MEMO1: variants seen among roughly 807,000 people sequenced by gnomAD.
MEMO1 encodes protein MEMO1.
Under a neutral mutation model 45.2 loss-of-function variants are expected in MEMO1, and 6 were observed. The ratio of observed to expected loss-of-function variants is 0.13; its 90% confidence interval spans 0.07 to 0.26. The LOEUF is 0.26. Among genes scored for constraint, MEMO1 ranks in the 10% least tolerant of loss-of-function variants. MEMO1 has a pLI of 1.00. For missense variants in MEMO1, 184 were observed against 370.5 expected, an observed-to-expected ratio of 0.50 and a Z score of 4.13; for synonymous variants, 78 against 124.3, an observed-to-expected ratio of 0.63 and a Z score of 2.48.
At chr2:31,949,235 T>C (rs755155652) in intron 2 of MEMO1, among the ~76,000 whole-genome samples, 3 of 152,266 alleles carry the variant, frequency 2.0e-5, no homozygotes, top group East Asian at 3.9e-4. Flanking sequence ...TGAGCTACCA[T>C]AGGATCCAGC....
At chr2:31,909,823 C>T (rs1394361553) in intron 6 of MEMO1, among the ~76,000 whole-genome samples, 1 of 151,982 alleles carries the variant, frequency 6.6e-6, no homozygotes, top group East Asian at 1.9e-4. Flanking sequence ...GAAAGAAATA[C>T]AGTAATTACT....
chr2:31,881,555 A>C (rs1210248080), intron 8 of MEMO1, among the ~76,000 whole-genome samples: 1 of 151,842 alleles, frequency 6.6e-6, no homozygotes. Flanking sequence ...CAAATGGCCC[A>C]AAAACAAGAC....
At chr2:31,885,154 C>T (rs923275667) in intron 7 of MEMO1, among the ~76,000 whole-genome samples, 1 of 152,080 alleles carries the variant, frequency 6.6e-6, no homozygotes, top group Non-Finnish European at 1.5e-5. Flanking sequence ...GAGTCTCACC[C>T]TGTTGCCCAG....
At chr2:31,906,283 C>CTT (rs1169469932) in intron 6 of MEMO1, among the ~76,000 whole-genome samples, 1 of 150,746 alleles carries the variant, frequency 6.6e-6, no homozygotes, top group African/African-American at 2.4e-5. Flanking sequence ...GAGTGCTATT[C>CTT]TTTTGTTTTT....
chr2:31,923,348 AGAC>A (rs1215831181), intron 4 of MEMO1, among the ~76,000 whole-genome samples: 2 of 152,110 alleles, frequency 1.3e-5, no homozygotes. Flanking sequence ...AGTTCCTTAT[AGAC>A]GACAGAATCT....
chr2:31,933,345 AAAAATTTATATATATATATATAT>A (rs1371073056), intron 3 of MEMO1, among the ~76,000 whole-genome samples: 1 of 34,092 alleles, frequency 2.9e-5, no homozygotes, highest in Non-Finnish European at 5.2e-5. Context: ...AAAAAAAAAA[AAAAATTTATATATATATATATAT>A]ATATATATAT....
chr2:32,002,152 A>AAAG (rs1673409455), intron 2 of MEMO1, among the ~76,000 whole-genome samples: 1 of 120,930 alleles, frequency 8.3e-6, no homozygotes, highest in Non-Finnish European at 1.7e-5. Context: ...CTCAAAAAAA[A>AAAG]AAAAAAAAAA....
intron 6 of MEMO1, among the ~76,000 whole-genome samples, chr2:31,917,305 C>A (rs1681601529): frequency 6.6e-6 from 1 of 151,950 alleles, no homozygotes; most frequent in African/African-American, 2.4e-5. Context: ...AGAAGAAAAC[C>A]CTTGAAATAA....
chr2:31,893,167 C>A, intron 6 of MEMO1: 1 of 195,806 alleles, frequency 5.1e-6, no homozygotes, highest in South Asian at 1.1e-4. Context: ...TAAATAATCC[C>A]CAAATAAATG....
intron 6 of MEMO1, among the ~76,000 whole-genome samples, chr2:31,899,036 G>A (rs1406865944): frequency 6.6e-6 from 1 of 151,984 alleles, no homozygotes; most frequent in Non-Finnish European, 1.5e-5. Flanking sequence ...GAATAAGAGA[G>A]AACACAAACA....
At chr2:31,917,084 C>G (rs1681561855) in intron 6 of MEMO1, among the ~76,000 whole-genome samples, 1 of 152,122 alleles carries the variant, frequency 6.6e-6, no homozygotes, top group African/African-American at 2.4e-5. Flanking sequence ...TTATCTTAGA[C>G]TTTATTAGTA....
At chr2:31,969,594 T>TGTGTGTGG (rs1558542061) in intron 2 of MEMO1, among the ~76,000 whole-genome samples, 85 of 103,548 alleles carry the variant, frequency 8.2e-4, no homozygotes, top group African/African-American at 2.5e-3. Context: ...TGGGTGTGTG[T>TGTGTGTGG]GTGTGTGTGT....
At chr2:31,998,909 A>C (rs1164465614) in intron 2 of MEMO1, among the ~76,000 whole-genome samples, 2 of 152,226 alleles carry the variant, frequency 1.3e-5, no homozygotes, top group Non-Finnish European at 2.9e-5. Flanking sequence ...TTGACTGTAC[A>C]GTGAACATCT....
intron 6 of MEMO1, among the ~76,000 whole-genome samples, chr2:31,912,357 A>G (rs1171618710): frequency 6.6e-6 from 1 of 151,798 alleles, no homozygotes; most frequent in Non-Finnish European, 1.5e-5. Context: ...AAAAAGAATT[A>G]CAAAAATTAG....
intron 2 of MEMO1, among the ~76,000 whole-genome samples, chr2:31,949,636 T>C (rs1208005646): frequency 5.1e-5 from 2 of 39,348 alleles, no homozygotes; most frequent in East Asian, 8.7e-4. Context: ...AGATGGTTAA[T>C]GGGTACAAAA....
chr2:31,974,840 T>G (rs1300702864), intron 2 of MEMO1, among the ~76,000 whole-genome samples: 1 of 152,082 alleles, frequency 6.6e-6, no homozygotes, highest in East Asian at 1.9e-4. Flanking sequence ...CTCTGCTGAT[T>G]ATTTTCTTAA....
intron 2 of MEMO1, among the ~76,000 whole-genome samples, chr2:32,002,423 T>C (rs1673520439): frequency 6.6e-6 from 1 of 150,964 alleles, no homozygotes; most frequent in African/African-American, 2.4e-5. Flanking sequence ...ATGAGTTAAA[T>C]AATACACACA....
intron 4 of MEMO1, chr2:31,923,638 C>A: frequency 1.3e-6 from 2 of 1,545,316 alleles, no homozygotes; most frequent in East Asian, 2.5e-5. Flanking sequence ...GTATATGAAC[C>A]AAGAATCAAA....
intron 2 of MEMO1, among the ~76,000 whole-genome samples, chr2:31,981,239 T>C (rs1670601240): frequency 6.6e-6 from 1 of 151,858 alleles, no homozygotes; most frequent in Non-Finnish European, 1.5e-5. Flanking sequence ...ACAGCAGGAG[T>C]AGTTAGAGTA....
Sources: gnomAD v4.1 joint callset for allele counts (sites outside exome capture counted in the v4.1 genomes callset) on GRCh38, gnomAD v4.1.1 for gene constraint, MANE v1.5 for transcripts, NCBI Gene and HGNC (gene_info 2026-07-23, HGNC 2026-07-21) for gene names.